The following PABPC4L variants were observed in gnomAD, a reference collection of about 807,000 sequenced individuals.
PABPC4L encodes the protein poly(A) binding protein cytoplasmic 4 like.
For synonymous variants in PABPC4L, 169 were observed against 164.1 expected, an observed-to-expected ratio of 1.03 and a Z score of -0.23; for missense variants, 452 against 451.4, an observed-to-expected ratio of 1.00 and a Z score of -0.01.
chr4:134,046,761 G>A, the PABPC4L span, among the ~76,000 whole-genome samples: 1 of 152,174 alleles, frequency 6.6e-6, no homozygotes, highest in African/African-American at 2.4e-5. Context: ...CATACTGCCT[G>A]TAAACATATT....
chr4:133,997,115 G>T, the PABPC4L span, among the ~76,000 whole-genome samples: 5 of 151,850 alleles, frequency 3.3e-5, no homozygotes, highest in Admixed American at 6.6e-5. Context: ...TACAATTAAG[G>T]CCTCTCTATT....
At chr4:134,102,678 C>A in the PABPC4L span, among the ~76,000 whole-genome samples, 1 of 151,460 alleles carries the variant, frequency 6.6e-6, no homozygotes, top group Non-Finnish European at 1.5e-5. Flanking sequence ...TAAACGTTTG[C>A]TGAAGTTTTA....
chr4:134,198,176 ATTGT>A lies in PABPC4L; in HGVS notation c.*1727_*1730del, dbSNP rs1460536578. On this transcript the variant is annotated 3_prime_UTR_variant, in exon 2 of 2. Transcript: ENST00000421491. ...TGAGCATAAAAGTTGACCATAGCAT[ATTGT>A]TTAAGAAAGCAATTTCAAACAACAT... The A allele has an allele frequency of 1.3e-5, 2 of 151,852 alleles. No individual in the cohort carries two copies. The highest frequency in any genetic ancestry group is 4.8e-5 in the African/African-American group (2 of 41,548). 9.4% of individuals were successfully genotyped at this position (151,852 alleles called of 1,614,324 possible).
At chr4:134,153,785 T>A in the PABPC4L span, among the ~76,000 whole-genome samples, 5 of 150,004 alleles carry the variant, frequency 3.3e-5, no homozygotes, top group Admixed American at 2.0e-4. Context: ...TAGCTGGGAC[T>A]ACCGGGCATG....
At chr4:133,985,842 G>A in the PABPC4L span, among the ~76,000 whole-genome samples, 1 of 151,896 alleles carries the variant, frequency 6.6e-6, no homozygotes, top group Non-Finnish European at 1.5e-5. Context: ...TATCATGAAT[G>A]TACCATATAA....
the PABPC4L span, among the ~76,000 whole-genome samples, chr4:134,042,376 C>A: frequency 6.6e-6 from 1 of 152,046 alleles, no homozygotes; most frequent in Non-Finnish European, 1.5e-5. Context: ...GCACTAAAAT[C>A]CTATACTTCA....
the PABPC4L span, among the ~76,000 whole-genome samples, chr4:133,976,060 G>C: frequency 6.6e-6 from 1 of 152,016 alleles, no homozygotes; most frequent in African/African-American, 2.4e-5. Flanking sequence ...TATCAACCTA[G>C]GTATTAAGCC....
At chr4:134,117,367 C>T in the PABPC4L span, among the ~76,000 whole-genome samples, 6 of 151,864 alleles carry the variant, frequency 4.0e-5, no homozygotes, top group East Asian at 9.7e-4. Context: ...TGCACAGTTA[C>T]GCATGAGGAG....
the PABPC4L span, among the ~76,000 whole-genome samples, chr4:134,082,683 G>C: frequency 6.6e-6 from 1 of 151,972 alleles, no homozygotes; most frequent in African/African-American, 2.4e-5. Flanking sequence ...ACTTCTCAGT[G>C]TATTCTGATT....
At chr4:133,994,824 C>T in the PABPC4L span, among the ~76,000 whole-genome samples, 2 of 152,102 alleles carry the variant, frequency 1.3e-5, no homozygotes, top group South Asian at 4.1e-4. Flanking sequence ...TACATTTCAT[C>T]ATAAATAATA....
At chr4:134,132,473 C>G in the PABPC4L span, among the ~76,000 whole-genome samples, 2 of 151,966 alleles carry the variant, frequency 1.3e-5, no homozygotes, top group African/African-American at 4.8e-5. Context: ...TGCTCAACAT[C>G]ACCAATGAGC....
chr4:134,145,594 G>A, the PABPC4L span, among the ~76,000 whole-genome samples: 2 of 151,764 alleles, frequency 1.3e-5, no homozygotes, highest in African/African-American at 4.8e-5. Context: ...ACCTAAGAGG[G>A]GAGAAAATGT....
chr4:133,978,995 C>T, the PABPC4L span: 2 of 152,068 alleles, frequency 1.3e-5, no homozygotes, highest in African/African-American at 4.8e-5. Context: ...ATAGTAGCAA[C>T]AAAAATTGTA....
chr4:133,985,571 G>C, the PABPC4L span, among the ~76,000 whole-genome samples: 126 of 151,960 alleles, frequency 8.3e-4, no homozygotes, highest in African/African-American at 2.8e-3. Context: ...AAAAAAGAAG[G>C]ATATTCAACA....
chr4:133,988,958 A>G, the PABPC4L span, among the ~76,000 whole-genome samples: 2 of 152,178 alleles, frequency 1.3e-5, no homozygotes, highest in Non-Finnish European at 2.9e-5. Flanking sequence ...GGAAACTGCC[A>G]AGGCATGGAG....
chr4:133,990,969 C>T, the PABPC4L span, among the ~76,000 whole-genome samples: 1 of 152,136 alleles, frequency 6.6e-6, no homozygotes, highest in Non-Finnish European at 1.5e-5. Flanking sequence ...TCCCACCACC[C>T]TGACCAATCT....
the PABPC4L span, among the ~76,000 whole-genome samples, chr4:134,003,504 T>C: frequency 6.6e-6 from 1 of 152,070 alleles, no homozygotes; most frequent in Admixed American, 6.6e-5. Flanking sequence ...ATGTGGGATT[T>C]TGTAAATATT....
the PABPC4L span, among the ~76,000 whole-genome samples, chr4:133,973,447 T>G: frequency 6.6e-6 from 1 of 152,140 alleles, no homozygotes; most frequent in Non-Finnish European, 1.5e-5. Flanking sequence ...GAAGGAAGAC[T>G]TATCCAATAA....
the PABPC4L span, among the ~76,000 whole-genome samples, chr4:133,980,633 C>A: frequency 6.6e-6 from 1 of 151,970 alleles, no homozygotes. Flanking sequence ...TATGAGACAT[C>A]GAAATGCGCC....
Sources: gnomAD v4.1 joint callset for allele counts (sites outside exome capture counted in the v4.1 genomes callset) on GRCh38, gnomAD v4.1.1 for gene constraint, MANE v1.5 for transcripts, NCBI Gene and HGNC (gene_info 2026-07-23, HGNC 2026-07-21) for gene names.